Variants in NEMP2 observed in about 807,000 individuals in gnomAD.
The protein encoded by NEMP2 is UPF0571 transmembrane protein.
In NEMP2, 53 loss-of-function variants were observed where a neutral mutation model predicts 54.2. The ratio of observed to expected loss-of-function variants is 0.98; its 90% CI spans 0.78 to 1.23. The LOEUF (loss-of-function observed/expected upper bound fraction) is 1.23. Ranked by LOEUF, NEMP2 falls within the 50% of genes most tolerant of loss-of-function variation. The pLI is 0.00. For missense variants in NEMP2, 455 were observed against 511.3 expected, an observed-to-expected ratio of 0.89 and a Z score of 1.06; for synonymous variants, 197 against 190.3, an observed-to-expected ratio of 1.04 and a Z score of -0.29.
chr2:190,466,603 G>A, the NEMP2 span, among the ~76,000 whole-genome samples: 1 of 152,130 alleles, frequency 6.6e-6, no homozygotes, highest in Admixed American at 6.5e-5. Context: ...TTTATTGAGT[G>A]CTTATTTTGG....
the NEMP2 span, chr2:190,648,409 C>A: frequency 5.9e-5 from 9 of 152,304 alleles, no homozygotes; most frequent in African/African-American, 2.2e-4. Context: ...GTCGCTGCAG[C>A]CTTCCCGCCG....
the NEMP2 span, chr2:190,626,383 G>C: frequency 3.9e-5 from 6 of 152,130 alleles, no homozygotes; most frequent in African/African-American, 1.4e-4. The surrounding 1 kb of genome is among the most constrained non-coding windows in gnomAD (Gnocchi z 4.5). Flanking sequence ...ATAACAAATG[G>C]AATGAAACAC....
chr2:190,422,472 T>C, the NEMP2 span, among the ~76,000 whole-genome samples: 1 of 152,210 alleles, frequency 6.6e-6, no homozygotes, highest in African/African-American at 2.4e-5. Flanking sequence ...GAGATAAATT[T>C]TGTGAGAAAT....
the NEMP2 span, among the ~76,000 whole-genome samples, chr2:190,602,223 C>T: frequency 5.3e-5 from 8 of 152,228 alleles, no homozygotes; most frequent in Middle Eastern, 3.4e-3. Flanking sequence ...CTCATATGAT[C>T]GTGGGGGCAA....
the NEMP2 span, among the ~76,000 whole-genome samples, chr2:190,590,927 A>T: frequency 1.3e-5 from 2 of 152,196 alleles, no homozygotes; most frequent in Non-Finnish European, 2.9e-5. This position sits in a 1 kb window ranked among gnomAD's most constrained non-coding sequence, Gnocchi z 5.1. Flanking sequence ...ATATTCCCAC[A>T]ATGAAGAACA....
chr2:190,497,500 C>A, the NEMP2 span: 3 of 1,614,162 alleles, frequency 1.9e-6, no homozygotes, highest in South Asian at 2.2e-5. This position sits in a 1 kb window ranked among gnomAD's most constrained non-coding sequence, Gnocchi z 5.2. Flanking sequence ...TAGCAACCAT[C>A]GACTTGGTAC....
chr2:190,523,049 A>C lies in NEMP2; in HGVS notation c.213+2214T>G, dbSNP rs1373242236. 2.0e-5 allele frequency among the ~76,000 whole-genome samples: 3 copies of C among 152,230 alleles called. No individual in the cohort carries two copies. Among genetic ancestry groups the C allele is most frequent in the Non-Finnish European group, 2.9e-5 (2 of 68,038 alleles). The stretch of plus-strand genomic sequence containing the variant: ...ATTGGTCACTCATATTTGGCTCAGA[A>C]TAAATCTCTTCAAATATTTTATAGA... On this transcript the variant is annotated intron_variant, in intron 2 of 8. Coordinates refer to ENST00000409150, the MANE Select transcript of NEMP2 (RefSeq NM_001142645.2). The surrounding 1 kb of genome is among the most constrained non-coding windows in gnomAD (Gnocchi z 5.3).
chr2:190,444,471 A>G, the NEMP2 span, among the ~76,000 whole-genome samples: 1 of 152,248 alleles, frequency 6.6e-6, no homozygotes, highest in African/African-American at 2.4e-5. Context: ...TGTAGCAGTG[A>G]AACAGGAGTT....
chr2:190,473,825 C>G, the NEMP2 span, among the ~76,000 whole-genome samples: 1 of 152,188 alleles, frequency 6.6e-6, no homozygotes, highest in Non-Finnish European at 1.5e-5. Flanking sequence ...GTAAAGCACT[C>G]CTCAGCAAAT....
chr2:190,550,203 A>AT, the NEMP2 span, among the ~76,000 whole-genome samples: 6 of 152,280 alleles, frequency 3.9e-5, no homozygotes, highest in African/African-American at 1.4e-4. The surrounding 1 kb of genome is among the most constrained non-coding windows in gnomAD (Gnocchi z 4.7). Flanking sequence ...ACAGATATTT[A>AT]TTTTTGACAA....
At chr2:190,445,609 T>C in the NEMP2 span, among the ~76,000 whole-genome samples, 3 of 152,168 alleles carry the variant, frequency 2.0e-5, no homozygotes, top group East Asian at 1.9e-4. Context: ...GGATGGCATA[T>C]AACTACTACC....
In NEMP2 at chr2:190,512,338, A is replaced by G. The variant is rs1690397244; in HGVS notation, c.954-1801T>C. On this transcript the variant is annotated intron_variant, in intron 7 of 8. Transcript: ENST00000409150. The surrounding 1 kb of genome is among the most constrained non-coding windows in gnomAD (Gnocchi z 4.5). Reference sequence around the variant, plus strand: ...TTTGTGTAGGGTTCTTAGCACTGTAAGTGGCCTATAGTAGGTGTTCAATAA... The same window carrying G: ...TTTGTGTAGGGTTCTTAGCACTGTAGGTGGCCTATAGTAGGTGTTCAATAA... Among the ~76,000 whole-genome samples the G allele has an allele frequency of 6.6e-6, 1 of 152,216 alleles. No homozygotes were observed. Among genetic ancestry groups the G allele is most frequent in the South Asian group, 2.1e-4 (1 of 4,836 alleles).
At chr2:190,619,221 A>G in the NEMP2 span, among the ~76,000 whole-genome samples, 1 of 152,068 alleles carries the variant, frequency 6.6e-6, no homozygotes, top group African/African-American at 2.4e-5. The surrounding 1 kb of genome is among the most constrained non-coding windows in gnomAD (Gnocchi z 5.5). Flanking sequence ...TCTACTAAAA[A>G]TAAACAATTA....
chr2:190,586,484 A>G, the NEMP2 span, among the ~76,000 whole-genome samples: 2 of 152,224 alleles, frequency 1.3e-5, no homozygotes, highest in Non-Finnish European at 2.9e-5. The surrounding 1 kb of genome is among the most constrained non-coding windows in gnomAD (Gnocchi z 4.5). Context: ...TTAGTCATCT[A>G]GTGAAATTTA....
the NEMP2 span, chr2:190,436,011 C>T: frequency 6.3e-7 from 1 of 1,586,900 alleles, no homozygotes; most frequent in African/African-American, 1.4e-5. This position sits in a 1 kb window ranked among gnomAD's most constrained non-coding sequence, Gnocchi z 5.3. Flanking sequence ...TGTAAACTTG[C>T]TGATGGTGGT....
the NEMP2 span, among the ~76,000 whole-genome samples, chr2:190,566,527 G>T: frequency 6.6e-6 from 1 of 151,904 alleles, no homozygotes; most frequent in Non-Finnish European, 1.5e-5. Flanking sequence ...GGTCGAGACT[G>T]CAGTGAGCTG....
chr2:190,549,726 C>G, the NEMP2 span, among the ~76,000 whole-genome samples: 1 of 152,146 alleles, frequency 6.6e-6, no homozygotes, highest in African/African-American at 2.4e-5. Context: ...TAAATTTTTG[C>G]CAGTTTCTTT....
chr2:190,604,072 A>C, the NEMP2 span, among the ~76,000 whole-genome samples: 1 of 152,248 alleles, frequency 6.6e-6, no homozygotes, highest in Non-Finnish European at 1.5e-5. This position sits in a 1 kb window ranked among gnomAD's most constrained non-coding sequence, Gnocchi z 4.5. Context: ...AAATGAAAGA[A>C]TGTGTCGCAC....
the NEMP2 span, chr2:190,469,962 T>A: frequency 2.8e-6 from 2 of 726,502 alleles, no homozygotes; most frequent in East Asian, 5.4e-5. This position sits in a 1 kb window ranked among gnomAD's most constrained non-coding sequence, Gnocchi z 5.3. Flanking sequence ...GCAGGCCTAC[T>A]GTTTCATGTG....
Sources: gnomAD v4.1 joint callset for allele counts (sites outside exome capture counted in the v4.1 genomes callset) on GRCh38, gnomAD v4.1.1 for gene constraint, Gnocchi (gnomAD v3.1) non-coding constraint, MANE v1.5 for transcripts, NCBI Gene and HGNC (gene_info 2026-07-23, HGNC 2026-07-21) for gene names.